The following EYS variants were observed in gnomAD, a reference collection of about 807,000 sequenced individuals.
EYS encodes EGF-like photoreceptor maintenance factor, also known as protein eyes shut homolog.
Under a neutral mutation model 282.1 loss-of-function variants are expected in EYS, and 250 were observed. That is an observed-to-expected ratio of 0.89 (90% CI 0.80 to 0.98). The LOEUF is 0.98. EYS is among the 50% of genes least tolerant of loss of function. The pLI, the probability that EYS is intolerant of heterozygous loss-of-function variation, is 0.00. For missense variants in EYS, 4,016 were observed against 3,709.0 expected (o/e 1.08, Z -2.15); for synonymous variants, 1,355 against 1,282.9 (o/e 1.06, Z -1.20).
intron 31 of EYS, among the ~76,000 whole-genome samples, chr6:64,173,026 C>A (rs1764528678): frequency 6.6e-6 from 1 of 152,038 alleles, no homozygotes; most frequent in Non-Finnish European, 1.5e-5. Context: ...CTGGTATGTC[C>A]CAGGTACTAG....
intron 35 of EYS, among the ~76,000 whole-genome samples, chr6:63,972,423 C>G (rs566384489): frequency 6.6e-6 from 1 of 152,158 alleles, no homozygotes; most frequent in Admixed American, 6.6e-5. Context: ...ACACATACCT[C>G]TTGACTGTTA....
chr6:65,207,140 G>A (rs1283388911), intron 12 of EYS, among the ~76,000 whole-genome samples: 1 of 151,558 alleles, frequency 6.6e-6, no homozygotes, highest in Non-Finnish European at 1.5e-5. Context: ...TAACTCCAAA[G>A]TAGTACTAGA....
At chr6:64,406,822 G>A (rs1773727633) in intron 28 of EYS, among the ~76,000 whole-genome samples, 1 of 152,216 alleles carries the variant, frequency 6.6e-6, no homozygotes, top group Non-Finnish European at 1.5e-5. Context: ...TGGAGAGGAT[G>A]TGGAGAAATA....
At chr6:65,537,427 C>T (rs1768001072) in intron 2 of EYS, among the ~76,000 whole-genome samples, 1 of 151,896 alleles carries the variant, frequency 6.6e-6, no homozygotes, top group Admixed American at 6.6e-5. Context: ...TTAAACATTT[C>T]CTAAGATTTA....
At chr6:65,036,915 A>C (rs1272998849) in intron 13 of EYS, among the ~76,000 whole-genome samples, 1 of 151,926 alleles carries the variant, frequency 6.6e-6, no homozygotes, top group African/African-American at 2.4e-5. Flanking sequence ...TTCTCAAAGA[A>C]CTTAAAACAG....
chr6:64,252,656 A>C (rs1176922953), intron 30 of EYS, among the ~76,000 whole-genome samples: 1 of 152,148 alleles, frequency 6.6e-6, no homozygotes, highest in Non-Finnish European at 1.5e-5. Context: ...GCCTTCAAAC[A>C]ACTTGCTCTT....
intron 22 of EYS, among the ~76,000 whole-genome samples, chr6:64,778,344 T>A (rs954598635): frequency 6.6e-6 from 1 of 152,166 alleles, no homozygotes; most frequent in South Asian, 2.1e-4. Context: ...TCCAAAGAAA[T>A]CTGCAAAATC....
intron 31 of EYS, among the ~76,000 whole-genome samples, chr6:64,184,852 T>G (rs1265839481): frequency 6.6e-6 from 1 of 152,182 alleles, no homozygotes; most frequent in East Asian, 1.9e-4. Flanking sequence ...TTTATTCATG[T>G]TCAATGCTAT....
At chr6:64,315,423 A>G (rs979646237) in intron 29 of EYS, among the ~76,000 whole-genome samples, 1 of 152,216 alleles carries the variant, frequency 6.6e-6, no homozygotes, top group African/African-American at 2.4e-5. Context: ...TTATGAGGAC[A>G]GTATCATCCT....
chr6:64,081,881 G>A lies in EYS; in HGVS notation c.6546C>T (p.Asn2182=). 3 of 1,538,856 alleles carry A rather than the reference G, an allele frequency of 1.9e-6. No homozygotes were observed. Among genetic ancestry groups the A allele is most frequent in the Non-Finnish European group, 2.6e-6 (3 of 1,137,768 alleles). The change falls in exon 32 of 43, where the codon AAC becomes AAT. Residue 2182 remains asparagine (N), a synonymous_variant. Transcript: ENST00000503581. ...TGTAAAGAATAGTTCCATTTAAACT[G>A]TTTGTTTTTATAGTCAAGTAGATGG... ...TVTIYLTIKT[N]SLNGTILYSN... is the part of the protein sequence containing the mutation.
At chr6:64,224,821 G>C (rs1293598333) in intron 31 of EYS, among the ~76,000 whole-genome samples, 2 of 145,132 alleles carry the variant, frequency 1.4e-5, no homozygotes, top group African/African-American at 5.1e-5. Flanking sequence ...TGCTATGAAT[G>C]CCTTTTGTGA....
chr6:65,555,780 C>A (rs1768776389), intron 2 of EYS, among the ~76,000 whole-genome samples: 1 of 152,026 alleles, frequency 6.6e-6, no homozygotes, highest in Non-Finnish European at 1.5e-5. Flanking sequence ...CACTATTAGA[C>A]ATGTAAAATT....
rs147062521 is a variant in EYS at position 65,076,498 on chromosome 6, T to C, written c.2024-18771A>G. ...AAAACAAGTTTGTGAATAGCTATCA[T>C]CATCACAGTTTTAGAAATGGAAATC... On this transcript the variant is annotated intron_variant, in intron 12 of 42. Coordinates refer to ENST00000503581, the MANE Select transcript of EYS (RefSeq NM_001142800.2). Among the ~76,000 whole-genome samples the C allele has an allele frequency of 1.6e-3, 245 of 152,114 alleles. 6 individuals carry two copies. Among genetic ancestry groups the C allele is most frequent in the Admixed American group, 0.014 (219 of 15,242 alleles).
intron 37 of EYS, among the ~76,000 whole-genome samples, chr6:63,801,015 C>A (rs1770770978): frequency 6.6e-6 from 1 of 152,076 alleles, no homozygotes; most frequent in African/African-American, 2.4e-5. Context: ...TGGAATGAAA[C>A]CAAAGGAGAT....
chr6:63,742,020 G>T, intron 41 of EYS: 3 of 700,518 alleles, frequency 4.3e-6, no homozygotes, highest in Non-Finnish European at 7.8e-6. Context: ...TGCTATTTGT[G>T]GCTCTTTATC....
At chr6:64,583,577 C>A (rs1013320881) in intron 26 of EYS, among the ~76,000 whole-genome samples, 5 of 152,132 alleles carry the variant, frequency 3.3e-5, no homozygotes, top group African/African-American at 1.2e-4. Flanking sequence ...GGGCTTATCA[C>A]CTGAGGTTAG....
chr6:63,813,176 C>G (rs1037841383), intron 36 of EYS, among the ~76,000 whole-genome samples: 1 of 152,048 alleles, frequency 6.6e-6, no homozygotes, highest in Admixed American at 6.5e-5. Flanking sequence ...GATGGGGTTT[C>G]ACCGTGTTGC....
chr6:64,095,684 C>G lies in EYS; in HGVS notation c.6425-13682G>C, dbSNP rs558501138. On this transcript the variant is annotated intron_variant, in intron 31 of 42. Coordinates refer to ENST00000503581, the MANE Select transcript of EYS (RefSeq NM_001142800.2). ...AGATGGGTCTCCTGAATACAGCACA[C>G]TGATGGGTCTTGACTCTTTATCCAA... is the stretch of plus-strand genomic sequence containing the variant. Among the ~76,000 whole-genome samples the G allele has an allele frequency of 2.0e-5, 3 of 152,266 alleles. No individual in the cohort carries two copies. The East Asian group carries it at 5.8e-4, about 29-fold the overall frequency.
intron 2 of EYS, among the ~76,000 whole-genome samples, chr6:65,569,119 A>T (rs1764386785): frequency 6.6e-6 from 1 of 152,128 alleles, no homozygotes; most frequent in South Asian, 2.1e-4. Context: ...AGAAGTGAAA[A>T]TGTATTGTTC....
Sources: allele counts gnomAD v4.1 joint callset (sites outside exome capture counted in the v4.1 genomes callset), GRCh38; gene constraint gnomAD v4.1.1; transcripts MANE v1.5; gene names NCBI Gene and HGNC (gene_info 2026-07-23, HGNC 2026-07-21).